The following FGFR3 variants were observed in gnomAD, a reference collection of about 807,000 sequenced individuals.
FGFR3 encodes the protein fibroblast growth factor receptor 3, also known as FGFR-3.
FGFR3 carries 25 observed loss-of-function variants against 82.9 expected under a neutral mutation model. The observed-to-expected ratio is 0.30, with a 90% confidence interval of 0.22 to 0.42. The LOEUF (loss-of-function observed/expected upper bound fraction) is 0.42. FGFR3 is among the 10% of genes least tolerant of loss of function. FGFR3 has a pLI of 1.00. For missense variants in FGFR3, 1,026 were observed against 1,161.0 expected, an observed-to-expected ratio of 0.88 and a Z score of 1.69; for synonymous variants, 620 against 516.0, an observed-to-expected ratio of 1.20 and a Z score of -2.73.
In FGFR3 at chr4:1,804,842, G is replaced by A. The variant is rs182935140; in HGVS notation, c.1285G>A (p.Ala429Thr). 4.9e-5 allele frequency: 76 copies of A among 1,549,932 alleles called. No homozygotes were observed. In the East Asian group the frequency reaches 1.1e-3, roughly 23 times the overall value. The change falls in exon 10 of 18, where the codon GCG becomes ACG. Residue 429 changes from alanine to threonine, a missense_variant. Transcript: ENST00000440486. ...LKRQVSLESN[A>T]SMSSNTPLVR... ...CAAGCAGGTGTCCCTGGAGTCCAAC[G>A]CGTCCATGAGCTCCAACACACCACT... is the stretch of plus-strand genomic sequence containing the variant.
intron 8 of FGFR3, 55 bp from the exon 9 acceptor site, chr4:1,804,275 G>T: frequency 3.9e-6 from 6 of 1,537,512 alleles, no homozygotes; most frequent in Non-Finnish European, 4.4e-6. Flanking sequence ...GGGCATCCAT[G>T]GGAGCCCCGT....
chr4:1,799,160 C>G, intron 2 of FGFR3, 94 bp from the exon 3 acceptor site: 2 of 1,571,478 alleles, frequency 1.3e-6, no homozygotes, highest in Admixed American at 1.7e-5. Context: ...TCAGAGCCTT[C>G]CTCACTCAGG....
In FGFR3 at chr4:1,808,741, C is replaced by T. The variant is rs4647929; in HGVS notation, c.*1479C>T. 6.5e-5 allele frequency: 15 copies of T among 231,978 alleles called. No homozygotes were observed. Among genetic ancestry groups the T allele is most frequent in the Non-Finnish European group, 6.0e-5 (7 of 117,206 alleles). 14.4% of individuals were successfully genotyped at this position (231,978 alleles called of 1,614,324 possible). ...GCTGTCCCTTGCTTGCCTGCAGGGC[C>T]ATGGCTCAGGGTGGTCTCTTCTTGG... On this transcript the variant is annotated 3_prime_UTR_variant, in exon 18 of 18. Transcript: ENST00000440486.
At chr4:1,795,171 C>T (rs2108756503) in intron 2 of FGFR3, among the ~76,000 whole-genome samples, 1 of 152,212 alleles carries the variant, frequency 6.6e-6, no homozygotes, top group South Asian at 2.1e-4. Context: ...CATTCAGCGG[C>T]GTGACAGGGG....
chr4:1,805,863 G>A lies in FGFR3; in HGVS notation c.1759G>A (p.Glu587Lys). Residue 587 changes from glutamate (E) to lysine (K), a missense_variant, in exon 13 of 18, where the codon GAG (glutamate) becomes AAG (lysine). This residue lies in a region of FGFR3 where 164 missense variants were observed against 167.5 expected (regional missense o/e 0.98). Transcript: ENST00000440486. Reference sequence around the variant, plus strand: ...CTTCGACACCTGCAAGCCGCCCGAGGAGCAGCTCACCTTCAAGGACCTGGT... The same window carrying A: ...CTTCGACACCTGCAAGCCGCCCGAGAAGCAGCTCACCTTCAAGGACCTGGT... ...YSFDTCKPPE[E>K]QLTFKDLVSC... 1 of 1,612,720 alleles carries A rather than the reference G, an allele frequency of 6.2e-7. No individual in the cohort carries two copies. The highest frequency in any genetic ancestry group is 8.5e-7 in the Non-Finnish European group (1 of 1,179,850).
rs553723903 is a variant in FGFR3, at chr4:1,806,768, C to T, written c.2169-61C>T. 1.5e-5 allele frequency: 24 copies of T among 1,593,272 alleles called. No homozygotes were observed. In the Admixed American group the frequency reaches 3.1e-4, roughly 21 times the overall value. ...GGCGGGGGAGGGACTGGCAGCCCTT[C>T]AGGCTGTTCCCGAATAAGGCGGGAA... is the stretch of plus-strand genomic sequence containing the variant. On this transcript the variant is annotated intron_variant, in intron 16 of 17. Transcript: ENST00000440486.
chr4:1,805,242 C>A, intron 10 of FGFR3, 113 bp from the exon 11 acceptor site: 1 of 1,562,636 alleles, frequency 6.4e-7, no homozygotes, highest in Non-Finnish European at 8.7e-7. Flanking sequence ...TGGAGGGCTT[C>A]CTGGAGGTGG....
At chr4:1,802,919 G>C (rs1239695473) in intron 7 of FGFR3, 2 of 1,595,768 alleles carry the variant, frequency 1.3e-6, no homozygotes. Context: ...CGCAGTCCTG[G>C]ATCAGTGAGA....
chr4:1,806,408 C>A, intron 15 of FGFR3, 81 bp downstream of exon 15: 1 of 1,596,550 alleles, frequency 6.3e-7, no homozygotes, highest in Non-Finnish European at 8.6e-7. Flanking sequence ...AGTCCCCAGG[C>A]CTGTGCCCTG....
In FGFR3 at chr4:1,801,881, C is replaced by T. The variant is rs2108783712; in HGVS notation, c.786C>T (p.Asn262=). ...TCCTGCAGGCGGGGCTGCCGGCCAACCAGACGGCGGTGCTGGGCAGCGACG... is the reference window on the plus strand; with the variant it reads ...TCCTGCAGGCGGGGCTGCCGGCCAATCAGACGGCGGTGCTGGGCAGCGACG... ...RPILQAGLPA[N]QTAVLGSDVE... is the part of the protein sequence containing the mutation. Residue 262 remains asparagine, a synonymous_variant, in exon 7 of 18, where the codon AAC becomes AAT. Coordinates refer to ENST00000440486, the MANE Select transcript of FGFR3 (RefSeq NM_000142.5). The T allele has an allele frequency of 6.2e-7, 1 of 1,609,928 alleles. No homozygotes were observed. Among genetic ancestry groups the T allele is most frequent in the South Asian group, 1.1e-5 (1 of 90,982 alleles).
At position 1,805,405 on chromosome 4, in the gene FGFR3, T is replaced by C; in HGVS notation, c.1463T>C (p.Met488Thr). ...LGEGCFGQVV[M>T]AEAIGIDKDR... ...GAGGGCTGCTTCGGCCAGGTGGTCA[T>C]GGCGGAGGCCATCGGCATTGACAAG... The change falls in exon 11 of 18, where the codon ATG becomes ACG. Residue 488 changes from methionine to threonine, a missense_variant. Met to Thr is a moderately conservative substitution (Grantham distance 81). Around this residue, in one of 9 missense-constraint regions of FGFR3, gnomAD observed 22 missense variants for 52.8 expected, o/e 0.42. Transcript: ENST00000440486. 4.3e-6 allele frequency: 7 copies of C among 1,612,394 alleles called. No homozygotes were observed. The highest frequency in any genetic ancestry group is 5.9e-6 in the Non-Finnish European group (7 of 1,179,720).
intron 9 of FGFR3, 146 bp from the exon 10 acceptor site, chr4:1,804,678 T>A: frequency 7.0e-7 from 1 of 1,426,458 alleles, no homozygotes; most frequent in African/African-American, 1.4e-5. Flanking sequence ...CCTAGGGTAC[T>A]TTGGGGCACG....
intron 9 of FGFR3, 53 bp downstream of exon 9, chr4:1,804,573 G>A: frequency 6.2e-6 from 10 of 1,602,784 alleles, no homozygotes; most frequent in Non-Finnish European, 8.5e-6. Context: ...AGGCCTCCTG[G>A]AGCCCCACCT....
chr4:1,794,445 C>A (rs1560386368), intron 2 of FGFR3, among the ~76,000 whole-genome samples: 1 of 152,208 alleles, frequency 6.6e-6, no homozygotes. Flanking sequence ...CAGTTTGTGG[C>A]CAGCTTCGGC....
chr4:1,805,288 TGG>T, intron 10 of FGFR3, 65 bp from the exon 11 acceptor site: 1 of 1,597,820 alleles, frequency 6.3e-7, no homozygotes, highest in Admixed American at 1.7e-5. Context: ...CAGGCTGGGG[TGG>T]GGACCGTGGT....
At chr4:1,801,331 T>G (rs1210453239) in intron 4 of FGFR3, 36 bp from the exon 5 acceptor site, 1 of 1,542,142 alleles carries the variant, frequency 6.5e-7, no homozygotes. Context: ...CTGCTCCCAC[T>G]CGGGTCATGG....
Position 1,801,869 on chromosome 4 carries a change from G to A in FGFR3, c.774G>A (p.Gly258=), listed in dbSNP as rs1396922514. 16 of 1,608,930 alleles carry A rather than the reference G, an allele frequency of 9.9e-6. No homozygotes were observed. The highest frequency in any genetic ancestry group is 1.7e-4 in the Middle Eastern group (1 of 6,054). ...CGCACCGGCCCATCCTGCAGGCGGGGCTGCCGGCCAACCAGACGGCGGTGC... is the reference window on the plus strand; with the variant it reads ...CGCACCGGCCCATCCTGCAGGCGGGACTGCCGGCCAACCAGACGGCGGTGC... ...RSPHRPILQA[G]LPANQTAVLG... The change falls in exon 7 of 18, where the codon GGG becomes GGA. Residue 258 remains glycine (G), a synonymous_variant. Transcript: ENST00000440486.
rs188723332 is a variant in FGFR3 at position 1,803,746 on chromosome 4, G to A, written c.985G>A (p.Val329Ile). The change falls in exon 8 of 18, where the codon GTC (valine) becomes ATC (isoleucine). Residue 329 changes from valine (V) to isoleucine (I), a missense_variant. Val to Ile is a conservative substitution (Grantham distance 29). Around this residue, in one of 9 missense-constraint regions of FGFR3, gnomAD observed 256 missense variants for 217.6 expected, o/e 1.18. Transcript: ENST00000440486. The part of the protein sequence containing the change: ...KELEVLSLHN[V>I]TFEDAGEYTC... The stretch of plus-strand genomic sequence containing the variant: ...GCTAGAGGTTCTCTCCTTGCACAAC[G>A]TCACCTTTGAGGACGCCGGGGAGTA... The A allele has an allele frequency of 5.8e-5, 94 of 1,614,070 alleles. 1 individual carries two copies. Among genetic ancestry groups the A allele is most frequent in the East Asian group, 4.9e-4 (22 of 44,878 alleles).
chr4:1,804,676 A>T, intron 9 of FGFR3, 148 bp from the exon 10 acceptor site: 3 of 1,398,636 alleles, frequency 2.1e-6, no homozygotes, highest in Non-Finnish European at 3.0e-6. Flanking sequence ...AGCCTAGGGT[A>T]CTTTGGGGCA....
Sources: allele counts gnomAD v4.1 joint callset (sites outside exome capture counted in the v4.1 genomes callset), GRCh38; gene constraint gnomAD v4.1.1; regional missense constraint gnomAD v4.1.1; transcripts MANE v1.5; gene names NCBI Gene and HGNC (gene_info 2026-07-23, HGNC 2026-07-21).